The following PDE4A variants were observed in gnomAD, a reference collection of about 807,000 sequenced individuals.
The protein encoded by PDE4A is 3',5'-cyclic-AMP phosphodiesterase 4A.
A neutral mutation model predicts 73.9 loss-of-function variants in PDE4A; 21 were observed. The observed-to-expected ratio is 0.28, with a 90% confidence interval of 0.20 to 0.41. PDE4A has a LOEUF of 0.41. PDE4A is among the 10% of genes least tolerant of loss of function. The pLI is 1.00. For synonymous variants in PDE4A, 463 were observed against 505.4 expected (o/e 0.92, Z 1.13); for missense variants, 958 against 1,211.4 (o/e 0.79, Z 3.10).
intron 14 of PDE4A, among the ~76,000 whole-genome samples, chr19:10,466,536 C>G (rs1316799722): frequency 6.8e-6 from 1 of 147,758 alleles, no homozygotes; most frequent in Non-Finnish European, 1.5e-5. Flanking sequence ...CTTGCTCTGT[C>G]ACCCAGGCTG....
In PDE4A at chr19:10,461,561, G is replaced by A; in HGVS notation, c.1501G>A (p.Val501Met). The change falls in exon 12 of 15, where the codon GTG becomes ATG. Residue 501 changes from valine (V) to methionine (M), a missense_variant. By Grantham distance (21) the Val-to-Met change is conservative. Around this residue, in one of 3 missense-constraint regions of PDE4A, gnomAD observed 570 missense variants for 827.7 expected, o/e 0.69. Coordinates refer to ENST00000380702, the MANE Select transcript of PDE4A (RefSeq NM_001111307.2). Reference protein sequence around the residue: ...ELALMYNDESVLENHHLAVGF... With the variant: ...ELALMYNDESMLENHHLAVGF... ...GGCGCTCATGTACAACGATGAGTCG[G>A]TGCTCGAGAATCACCACCTGGCCGT... is the stretch of plus-strand genomic sequence containing the variant. 6.2e-7 allele frequency: 1 copy of A among 1,614,132 alleles called. No individual in the cohort carries two copies. Among genetic ancestry groups the A allele is most frequent in the Non-Finnish European group, 8.5e-7 (1 of 1,180,020 alleles).
chr19:10,420,694 T>C lies in PDE4A; in HGVS notation c.-71T>C, dbSNP rs2042637652. On this transcript the variant is annotated 5_prime_UTR_variant, in exon 1 of 15. Coordinates refer to ENST00000380702, the MANE Select transcript of PDE4A (RefSeq NM_001111307.2). The surrounding 1 kb of genome is among the most constrained non-coding windows in gnomAD (Gnocchi z 6.0). Reference sequence around the variant, plus strand: ...CCCGCGGGGCCCTGGGCTCGCTGGCTTGCGCGCAGCTGAGCGGGGTGTAGG... The same window carrying C: ...CCCGCGGGGCCCTGGGCTCGCTGGCCTGCGCGCAGCTGAGCGGGGTGTAGG... 1.4e-6 allele frequency: 2 copies of C among 1,390,612 alleles called. No homozygotes were observed. Among genetic ancestry groups the C allele is most frequent in the South Asian group, 1.6e-5 (1 of 62,046 alleles). 86.1% of individuals were successfully genotyped at this position (1,390,612 alleles called of 1,614,324 possible).
chr19:10,417,768 G>A, upstream of PDE4A: 1 of 1,569,766 alleles, frequency 6.4e-7, no homozygotes, highest in Non-Finnish European at 8.6e-7. Context: ...GGCCCAGCCT[G>A]AGCCCTCGGA....
intron 1 of PDE4A, among the ~76,000 whole-genome samples, chr19:10,432,966 A>G (rs1185331202): frequency 6.6e-6 from 1 of 151,308 alleles, no homozygotes; most frequent in Non-Finnish European, 1.5e-5. Flanking sequence ...TACCTTCCCC[A>G]CCCCCTCTCA....
At chr19:10,417,057 T>G (rs2042595361), upstream of PDE4A, 2 of 1,514,140 alleles carry the variant, frequency 1.3e-6, no homozygotes, top group East Asian at 2.5e-5. Flanking sequence ...CGCCCTCTAG[T>G]GACCACGGCT....
chr19:10,435,298 A>G (rs1301222024), intron 1 of PDE4A, among the ~76,000 whole-genome samples: 1 of 152,078 alleles, frequency 6.6e-6, no homozygotes, highest in African/African-American at 2.4e-5. Flanking sequence ...GGTCATGCCT[A>G]TAAACCCAGC....
chr19:10,467,643 T>C lies in PDE4A; in HGVS notation c.*22T>C. The C allele has an allele frequency of 1.3e-6, 2 of 1,504,250 alleles. No individual in the cohort carries two copies. The highest frequency in any genetic ancestry group is 1.8e-6 in the Non-Finnish European group (2 of 1,119,406). 93.2% of individuals were successfully genotyped at this position (1,504,250 alleles called of 1,614,324 possible). ...CTGATCCCCAGACCTCTGTCCCTGTTCCCCTCCACTCCTCCCCTCACTCCC... is the reference window on the plus strand; with the variant it reads ...CTGATCCCCAGACCTCTGTCCCTGTCCCCCTCCACTCCTCCCCTCACTCCC... On this transcript the variant is annotated 3_prime_UTR_variant, in exon 15 of 15. Coordinates refer to ENST00000380702, the MANE Select transcript of PDE4A (RefSeq NM_001111307.2).
chr19:10,434,168 C>T lies in PDE4A; in HGVS notation c.321-12050C>T, dbSNP rs200595556. Among the ~76,000 whole-genome samples, 205 of 150,110 alleles carry T rather than the reference C, an allele frequency of 1.4e-3. 1 individual carries two copies. The highest frequency in any genetic ancestry group is 4.2e-3 in the African/African-American group (172 of 40,538). On this transcript the variant is annotated intron_variant, in intron 1 of 14. Transcript: ENST00000380702. Reference sequence around the variant, plus strand: ...TTCTTTCTTTCTTCCTTCCTTCCTTCCTTTCTTTCTTCCTTTCCTTCTTTC... The same window carrying T: ...TTCTTTCTTTCTTCCTTCCTTCCTTTCTTTCTTTCTTCCTTTCCTTCTTTC...
chr19:10,428,280 C>T (rs1016502406), intron 1 of PDE4A, among the ~76,000 whole-genome samples: 50 of 151,828 alleles, frequency 3.3e-4, no homozygotes, highest in Admixed American at 1.3e-4. Flanking sequence ...ATCACTTGAC[C>T]GCAGGAAGTT....
In PDE4A at chr19:10,459,084, C is replaced by T. The variant is rs2043217056; in HGVS notation, c.1102-316C>T. ...GTGCTGGGTTCCTATCCTAGCTTTG[C>T]CACTTATGAGCTGCATGATCTTGGA... On this transcript the variant is annotated intron_variant, in intron 8 of 14. Transcript: ENST00000380702. The T allele has an allele frequency of 5.1e-5, 18 of 352,802 alleles. No homozygotes were observed. In the South Asian group the frequency reaches 5.7e-4, roughly 11 times the overall value. The allele number at this position is 352,802 out of a possible 1,614,324, so 21.9% of individuals were successfully genotyped here.
chr19:10,461,543 A>C lies in PDE4A; in HGVS notation c.1483A>C (p.Met495Leu), dbSNP rs1162071704. 6.2e-7 allele frequency: 1 copy of C among 1,614,000 alleles called. No homozygotes were observed. The highest frequency in any genetic ancestry group is 8.5e-7 in the Non-Finnish European group (1 of 1,180,032). Residue 495 changes from methionine (M) to leucine (L), a missense_variant, in exon 12 of 15, where the codon ATG (methionine) becomes CTG (leucine). Around this residue, in one of 3 missense-constraint regions of PDE4A, gnomAD observed 570 missense variants for 827.7 expected, o/e 0.69. Coordinates refer to ENST00000380702, the MANE Select transcript of PDE4A (RefSeq NM_001111307.2). The part of the protein sequence containing the change: ...LINTNSELAL[M>L]YNDESVLENH... Reference sequence around the variant, plus strand: ...GGCTGCAGATTCGGAGCTGGCGCTCATGTACAACGATGAGTCGGTGCTCGA... The same window carrying C: ...GGCTGCAGATTCGGAGCTGGCGCTCCTGTACAACGATGAGTCGGTGCTCGA...
chr19:10,428,770 ACT>A, intron 1 of PDE4A: 1 of 985,326 alleles, frequency 1.0e-6, no homozygotes. Context: ...AGGCTTCCTC[ACT>A]CTGGGCCCCA....
chr19:10,422,650 C>T (rs2042665717), intron 1 of PDE4A, among the ~76,000 whole-genome samples: 1 of 152,128 alleles, frequency 6.6e-6, no homozygotes. Context: ...GCAGTCATTG[C>T]AGCCCTCCAG....
chr19:10,466,119 T>C (rs1309652783), intron 14 of PDE4A, among the ~76,000 whole-genome samples: 3 of 148,050 alleles, frequency 2.0e-5, no homozygotes, highest in Admixed American at 1.4e-4. Context: ...TCTCCCTGCC[T>C]CAGCCTCCCG....
rs1418925436 is a variant in PDE4A, at chr19:10,453,009, C to T, written c.784-1820C>T. 116 of 1,296,566 alleles carry T rather than the reference C, an allele frequency of 8.9e-5. No individual in the cohort carries two copies. In the East Asian group the frequency reaches 3.7e-3, roughly 41 times the overall value. The allele number at this position is 1,296,566 out of a possible 1,614,324, so 80.3% of individuals were successfully genotyped here. On this transcript the variant is annotated intron_variant, in intron 6 of 14. Transcript: ENST00000380702. The surrounding 1 kb of genome is among the most constrained non-coding windows in gnomAD (Gnocchi z 4.6). ...CCTGCCCCCCTCCCATGGGCACGGA[C>T]CCCCCACCGCCTCCACCCACTGCCG...
upstream of PDE4A, chr19:10,416,789 A>C (rs2042591747): frequency 2.6e-6 from 4 of 1,511,850 alleles, no homozygotes; most frequent in South Asian, 3.7e-5. Context: ...GCCCCAGGAG[A>C]GGCAATAGGC....
chr19:10,430,008 C>G (rs1432728054), intron 1 of PDE4A, among the ~76,000 whole-genome samples: 1 of 151,686 alleles, frequency 6.6e-6, no homozygotes, highest in Non-Finnish European at 1.5e-5. Context: ...AACCTATATT[C>G]GGTCTATGAA....
At chr19:10,421,105 T>C in intron 1 of PDE4A, 21 bp downstream of exon 1, 1 of 1,360,698 alleles carries the variant, frequency 7.3e-7, no homozygotes, top group South Asian at 1.8e-5. Flanking sequence ...CCGCGGCGGA[T>C]GCGCGCGGAA....
At position 10,463,801 on chromosome 19, in the gene PDE4A, G is replaced by A. The variant is rs201862606; in HGVS notation, c.1752G>A (p.Arg584=). ...GCCCCAACCCCATGCAGGTCCTCCGGAACATGGTGCACTGTGCCGACCTCA... is the reference window on the plus strand; with the variant it reads ...GCCCCAACCCCATGCAGGTCCTCCGAAACATGGTGCACTGTGCCGACCTCA... ...DNYSDRIQVL[R]NMVHCADLSN... The change falls in exon 14 of 15, where the codon CGG becomes CGA. Residue 584 remains arginine (R), a synonymous_variant. Coordinates refer to ENST00000380702, the MANE Select transcript of PDE4A (RefSeq NM_001111307.2). 2.9e-5 allele frequency: 47 copies of A among 1,613,982 alleles called. No individual in the cohort carries two copies. In the Middle Eastern group the frequency reaches 1.5e-3, roughly 51 times the overall value.
Sources: allele counts gnomAD v4.1 joint callset (sites outside exome capture counted in the v4.1 genomes callset), GRCh38; gene constraint gnomAD v4.1.1; regional missense constraint gnomAD v4.1.1; non-coding constraint Gnocchi (gnomAD v3.1); transcripts MANE v1.5; gene names NCBI Gene and HGNC (gene_info 2026-07-23, HGNC 2026-07-21).